The following LRRC4C variants were observed in gnomAD, a reference collection of about 807,000 sequenced individuals.
The protein encoded by LRRC4C is leucine-rich repeat-containing protein 4C.
A neutral mutation model predicts 33.6 loss-of-function variants in LRRC4C; 5 were observed. That is an observed-to-expected ratio of 0.15 (90% CI 0.08 to 0.31). The LOEUF (loss-of-function observed/expected upper bound fraction) is 0.31, where lower values mean the gene tolerates loss of function less well. Ranked by LOEUF, LRRC4C falls within the 10% of genes least tolerant of loss-of-function variation. The pLI is 1.00. For synonymous variants in LRRC4C, 329 were observed against 302.0 expected, an observed-to-expected ratio of 1.09 and a Z score of -0.93; for missense variants, 560 against 796.7, an observed-to-expected ratio of 0.70 and a Z score of 3.58.
chr11:40,562,651 T>G (rs536166673), intron 3 of LRRC4C, among the ~76,000 whole-genome samples: 1 of 152,264 alleles, frequency 6.6e-6, no homozygotes, highest in Admixed American at 6.5e-5. Context: ...TTTCATTATT[T>G]CAAACTACCT....
At chr11:40,777,607 C>T (rs1808052068) in intron 2 of LRRC4C, among the ~76,000 whole-genome samples, 1 of 150,382 alleles carries the variant, frequency 6.6e-6, no homozygotes, top group Non-Finnish European at 1.5e-5. Flanking sequence ...TTCTATAATG[C>T]TTTACTCTGA....
chr11:40,496,734 C>G (rs1954481099), intron 3 of LRRC4C, among the ~76,000 whole-genome samples: 1 of 152,092 alleles, frequency 6.6e-6, no homozygotes, highest in African/African-American at 2.4e-5. Flanking sequence ...TGGGGAGTCT[C>G]TGAAACCATG....
intron 2 of LRRC4C, among the ~76,000 whole-genome samples, chr11:40,780,587 G>C (rs1458716400): frequency 6.6e-6 from 1 of 152,020 alleles, no homozygotes; most frequent in African/African-American, 2.4e-5. Context: ...ACATAGAGGA[G>C]GGTGTTTGAC....
intron 1 of LRRC4C, among the ~76,000 whole-genome samples, chr11:40,940,133 G>C: frequency 1.3e-5 from 2 of 152,164 alleles, no homozygotes; most frequent in Admixed American, 1.3e-4. Context: ...CTGTCACAGT[G>C]TCATCCCTTT....
chr11:40,206,363 G>A (rs963599818), intron 5 of LRRC4C, among the ~76,000 whole-genome samples: 4 of 151,988 alleles, frequency 2.6e-5, no homozygotes, highest in East Asian at 1.9e-4. Flanking sequence ...AGCCTGCCGA[G>A]TACCTGGGAT....
At chr11:40,840,503 A>G (rs781373978) in intron 2 of LRRC4C, among the ~76,000 whole-genome samples, 5 of 152,352 alleles carry the variant, frequency 3.3e-5, no homozygotes, top group South Asian at 2.1e-4. Flanking sequence ...ACAATAAATG[A>G]AATAGCTGGA....
At chr11:41,234,947 G>C (rs1024727200) in intron 1 of LRRC4C, among the ~76,000 whole-genome samples, 11 of 151,990 alleles carry the variant, frequency 7.2e-5, no homozygotes, top group African/African-American at 2.7e-4. Context: ...TCATATGATT[G>C]CAAAGGGCCA....
intron 3 of LRRC4C, among the ~76,000 whole-genome samples, chr11:40,618,500 A>G (rs1357912510): frequency 6.6e-6 from 1 of 151,694 alleles, no homozygotes; most frequent in African/African-American, 2.4e-5. Flanking sequence ...GGTTTATGGT[A>G]ATTTTTACGG....
chr11:41,317,472 G>T lies in LRRC4C; in HGVS notation c.-496+141959C>A, dbSNP rs770440022. 4.7e-4 allele frequency among the ~76,000 whole-genome samples: 71 copies of T among 152,034 alleles called. 1 individual carries two copies. Among genetic ancestry groups the T allele is most frequent in the Non-Finnish European group, 8.8e-4 (60 of 67,996 alleles). On this transcript the variant is annotated intron_variant, in intron 1 of 6. Transcript: ENST00000528697. ...AAGGAGTATAGAAATGTTTTAAGAA[G>T]AAATATTAAATATCACCCTACTTCC...
chr11:41,426,730 C>G (rs1374397488), intron 1 of LRRC4C, among the ~76,000 whole-genome samples: 1 of 152,134 alleles, frequency 6.6e-6, no homozygotes, highest in Admixed American at 6.6e-5. Flanking sequence ...TTCTCTTGGT[C>G]AGGACTTTCT....
intron 1 of LRRC4C, among the ~76,000 whole-genome samples, chr11:41,442,468 T>TTTTCTTTTTTTTTTTTTTTTTTTTTTTC (rs3040490): frequency 9.4e-6 from 1 of 106,534 alleles, no homozygotes; most frequent in Non-Finnish European, 1.9e-5. Flanking sequence ...CTTTTTTTTT[T>TTTTCTTTTTTTTTTTTTTTTTTTTTTTC]TTTTTTTTTT....
intron 1 of LRRC4C, among the ~76,000 whole-genome samples, chr11:41,218,927 C>G (rs1348324621): frequency 6.6e-6 from 1 of 151,884 alleles, no homozygotes; most frequent in African/African-American, 2.4e-5. Flanking sequence ...GCCACCACGC[C>G]CGGCTAAATT....
chr11:40,828,732 T>C (rs1012766534), intron 2 of LRRC4C, among the ~76,000 whole-genome samples: 1 of 151,654 alleles, frequency 6.6e-6, no homozygotes, highest in African/African-American at 2.4e-5. Flanking sequence ...CTCTAGGATT[T>C]CATTTCCTCT....
intron 1 of LRRC4C, among the ~76,000 whole-genome samples, chr11:41,243,785 A>G (rs1948344624): frequency 6.6e-6 from 1 of 152,206 alleles, no homozygotes; most frequent in Non-Finnish European, 1.5e-5. Flanking sequence ...AACCAGGGCT[A>G]GACCACTAAC....
At chr11:40,278,534 A>G (rs916608244) in intron 4 of LRRC4C, among the ~76,000 whole-genome samples, 2 of 152,210 alleles carry the variant, frequency 1.3e-5, no homozygotes, top group Admixed American at 1.3e-4. Flanking sequence ...TTTCAAAAAC[A>G]AAGATCTGTT....
At chr11:41,244,886 T>C (rs1591047698) in intron 1 of LRRC4C, among the ~76,000 whole-genome samples, 1 of 152,146 alleles carries the variant, frequency 6.6e-6, no homozygotes, top group Non-Finnish European at 1.5e-5. Context: ...TCAGGCTTTC[T>C]ATCCATCAAC....
rs112693946 is a variant in LRRC4C, at chr11:40,664,004, C to T, written c.-406-15726G>A. On this transcript the variant is annotated intron_variant, in intron 2 of 6. Coordinates refer to ENST00000528697, the MANE Select transcript of LRRC4C (RefSeq NM_001258419.2). Reference sequence around the variant, plus strand: ...CTGATCAAAGGTTGTACAGAAGTCCCGCATATAAAACCTTTACAGAGCATT... The same window carrying T: ...CTGATCAAAGGTTGTACAGAAGTCCTGCATATAAAACCTTTACAGAGCATT... Among the ~76,000 whole-genome samples the T allele has an allele frequency of 9.8e-3, 1,486 of 152,166 alleles. 15 individuals are homozygous for T. The highest frequency in any genetic ancestry group is 0.016 in the Non-Finnish European group (1,107 of 68,008).
rs192986949 is a variant in LRRC4C at position 41,428,724 on chromosome 11, T to G, written c.-496+30707A>C. Among the ~76,000 whole-genome samples, 484 of 152,212 alleles carry G rather than the reference T, an allele frequency of 3.2e-3. 1 individual carries two copies. Among genetic ancestry groups the G allele is most frequent in the African/African-American group, 9.9e-3 (411 of 41,530 alleles). On this transcript the variant is annotated intron_variant, in intron 1 of 6. Coordinates refer to ENST00000528697, the MANE Select transcript of LRRC4C (RefSeq NM_001258419.2). ...TACTAGAGGCAGTGCTTTTTCGCTC[T>G]CCTTTTCTCTCTTCCTTTCTTTTCC...
intron 5 of LRRC4C, among the ~76,000 whole-genome samples, chr11:40,177,981 G>A (rs1860652249): frequency 6.6e-6 from 1 of 152,126 alleles, no homozygotes; most frequent in Non-Finnish European, 1.5e-5. Flanking sequence ...CAAACAGTAG[G>A]AGGTGCATAT....
Sources: gnomAD v4.1 joint callset for allele counts (sites outside exome capture counted in the v4.1 genomes callset) on GRCh38, gnomAD v4.1.1 for gene constraint, MANE v1.5 for transcripts, NCBI Gene and HGNC (gene_info 2026-07-23, HGNC 2026-07-21) for gene names.